ANKRD28: variants seen among roughly 807,000 people sequenced by gnomAD.
The protein encoded by ANKRD28 is ankyrin repeat domain 28.
In ANKRD28, 44 loss-of-function variants were observed where a neutral mutation model predicts 126.5. That is an observed-to-expected ratio of 0.35 (90% CI 0.27 to 0.45). The LOEUF is 0.45. Among genes scored for constraint, ANKRD28 ranks in the 20% least tolerant of loss-of-function variants. The pLI, the probability that ANKRD28 is intolerant of heterozygous loss-of-function variation, is 1.00. For synonymous variants in ANKRD28, 442 were observed against 468.5 expected (o/e 0.94, Z 0.73); for missense variants, 1,110 against 1,316.6 (o/e 0.84, Z 2.43).
chr3:15,836,485 A>G (rs1230900367), intron 1 of ANKRD28, among the ~76,000 whole-genome samples: 1 of 152,184 alleles, frequency 6.6e-6, no homozygotes, highest in Non-Finnish European at 1.5e-5. Context: ...ACCATTTCAA[A>G]AGTAATATTA....
chr3:15,855,195 G>C (rs2126005470), intron 1 of ANKRD28, among the ~76,000 whole-genome samples: 1 of 152,180 alleles, frequency 6.6e-6, no homozygotes, highest in East Asian at 1.9e-4. Flanking sequence ...CATTTTTTGT[G>C]TGTGTTTTTT....
Position 15,797,265 on chromosome 3 carries a change from A to G in ANKRD28, c.-744T>C. ...CAAAGCTGCAGTACGTTTACATGTG[A>G]TGAGTCAGACCACAAGAGACAATAC... On this transcript the variant is annotated 5_prime_UTR_variant, in exon 1 of 28. Transcript: ENST00000683139. The G allele has an allele frequency of 1.0e-6, 1 of 985,058 alleles. No homozygotes were observed. Among genetic ancestry groups the G allele is most frequent in the Non-Finnish European group, 1.2e-6 (1 of 829,856 alleles). The allele number at this position is 985,058 out of a possible 1,614,324, so 61.0% of individuals were successfully genotyped here.
intron 7 of ANKRD28, 82 bp downstream of exon 7, chr3:15,724,300 A>T: frequency 5.7e-6 from 7 of 1,218,134 alleles, no homozygotes; most frequent in Non-Finnish European, 7.9e-6. Context: ...ATAATTTCTT[A>T]AACCTGAAAT....
intron 14 of ANKRD28, among the ~76,000 whole-genome samples, chr3:15,701,581 T>C (rs927188149): frequency 1.3e-5 from 2 of 151,460 alleles, no homozygotes; most frequent in African/African-American, 4.9e-5. Flanking sequence ...GAGGCGGAGG[T>C]TGCAGTAAGC....
chr3:15,788,177 T>C (rs2125754361), intron 2 of ANKRD28, among the ~76,000 whole-genome samples: 1 of 152,296 alleles, frequency 6.6e-6, no homozygotes, highest in South Asian at 2.1e-4. Flanking sequence ...TGTGTCTTAT[T>C]TGTCTCATCA....
At chr3:15,747,159 A>C (rs1575512660) in intron 4 of ANKRD28, among the ~76,000 whole-genome samples, 1 of 139,042 alleles carries the variant, frequency 7.2e-6, no homozygotes, top group Non-Finnish European at 1.6e-5. Context: ...TGTTTCATTT[A>C]TCTTTCCTTT....
chr3:15,808,343 T>C (rs1237339612), intron 1 of ANKRD28, among the ~76,000 whole-genome samples: 3 of 152,226 alleles, frequency 2.0e-5, no homozygotes, highest in Non-Finnish European at 2.9e-5. Flanking sequence ...ATCTTCCCAC[T>C]GGTTCCTCAC....
At chr3:15,670,967 T>C (rs567500613) in intron 27 of ANKRD28, among the ~76,000 whole-genome samples, 2 of 152,206 alleles carry the variant, frequency 1.3e-5, no homozygotes, top group African/African-American at 4.8e-5. Context: ...AATAAAAAAA[T>C]TTAATTTGTA....
chr3:15,671,586 TTTG>T lies in ANKRD28; in HGVS notation c.2966-1033_2966-1031del, dbSNP rs1404623146. Among the ~76,000 whole-genome samples, 270 of 150,816 alleles carry T rather than the reference TTTG, an allele frequency of 1.8e-3. 4 individuals are homozygous for T. Among genetic ancestry groups the T allele is most frequent in the African/African-American group, 6.0e-3 (245 of 40,702 alleles). On this transcript the variant is annotated intron_variant, in intron 27 of 27. Coordinates refer to ENST00000683139, the MANE Select transcript of ANKRD28 (RefSeq NM_001349278.2). ...GAGTCATAAACACTATAGTTTTTTT[TTTG>T]TTTTTTTTTTTTTGAGACAGAGTCT... is the stretch of plus-strand genomic sequence containing the variant.
intron 3 of ANKRD28, among the ~76,000 whole-genome samples, chr3:15,758,924 C>A (rs1264790762): frequency 5.3e-5 from 8 of 152,150 alleles, no homozygotes; most frequent in African/African-American, 7.2e-5. Context: ...GAATTTTTGA[C>A]AAATGCCTTC....
At position 15,831,223 on chromosome 3, in the gene ANKRD28, C is replaced by A. The variant is rs11923217; in HGVS notation, c.27+28154G>T. On this transcript the variant is annotated intron_variant, in intron 1 of 27. Coordinates refer to the ANKRD28 transcript ENST00000399451. ...CACAATCTCCCACAAACTAAACAAG[C>A]TGGTCAAGATCAAACTCCTGAGTAT... Among the ~76,000 whole-genome samples the A allele has an allele frequency of 1.5e-3, 227 of 152,092 alleles. 3 individuals are homozygous for A. The highest frequency in any genetic ancestry group is 4.3e-3 in the African/African-American group (177 of 41,468).
At chr3:15,850,687 C>T (rs1185488508) in intron 1 of ANKRD28, among the ~76,000 whole-genome samples, 1 of 152,200 alleles carries the variant, frequency 6.6e-6, no homozygotes, top group Non-Finnish European at 1.5e-5. Context: ...ATGGAAGCTT[C>T]TACTCTTTCT....
At chr3:15,738,821 T>G (rs1442251361) in intron 4 of ANKRD28, 1 of 152,210 alleles carries the variant, frequency 6.6e-6, no homozygotes, top group Non-Finnish European at 1.5e-5. Context: ...CTAATAGGCC[T>G]GGGAGCGCTA....
intron 2 of ANKRD28, among the ~76,000 whole-genome samples, chr3:15,785,274 G>A (rs1362444036): frequency 6.6e-6 from 1 of 152,052 alleles, no homozygotes; most frequent in Non-Finnish European, 1.5e-5. Context: ...CATTGCCTAA[G>A]AATGAAAAGG....
At chr3:15,766,112 T>A (rs2058723585) in intron 3 of ANKRD28, 122 bp downstream of exon 3, 2 of 683,166 alleles carry the variant, frequency 2.9e-6, no homozygotes, top group Non-Finnish European at 4.8e-6. Context: ...TAAAAATAAG[T>A]TTCAGCTGAT....
chr3:15,821,544 C>T (rs2060941856), intron 1 of ANKRD28, among the ~76,000 whole-genome samples: 1 of 152,080 alleles, frequency 6.6e-6, no homozygotes, highest in Non-Finnish European at 1.5e-5. Flanking sequence ...ATAAGAACTC[C>T]AAATCTCCAT....
chr3:15,743,627 C>T (rs919756545), intron 4 of ANKRD28, among the ~76,000 whole-genome samples: 37 of 151,462 alleles, frequency 2.4e-4, no homozygotes, highest in South Asian at 4.2e-4. Flanking sequence ...TCCTAATACT[C>T]GGATATCCAT....
At chr3:15,858,192 T>C (rs1575837661) in intron 1 of ANKRD28, among the ~76,000 whole-genome samples, 1 of 152,364 alleles carries the variant, frequency 6.6e-6, no homozygotes, top group African/African-American at 2.4e-5. Context: ...TTCAATTAAA[T>C]TGCTACATGT....
At chr3:15,724,777 G>A (rs570481739) in intron 6 of ANKRD28, among the ~76,000 whole-genome samples, 1 of 152,026 alleles carries the variant, frequency 6.6e-6, no homozygotes, top group African/African-American at 2.4e-5. Context: ...CCAGGAATTT[G>A]AGACCAGCCT....
Sources: allele counts gnomAD v4.1 joint callset (sites outside exome capture counted in the v4.1 genomes callset), GRCh38; gene constraint gnomAD v4.1.1; transcripts MANE v1.5; gene names NCBI Gene and HGNC (gene_info 2026-07-23, HGNC 2026-07-21).